Variants in TRAPPC12 observed in about 807,000 individuals in gnomAD.
TRAPPC12 encodes the protein trafficking protein particle complex subunit 12.
A neutral mutation model predicts 69.2 loss-of-function variants in TRAPPC12; 61 were observed. The ratio of observed to expected loss-of-function variants is 0.88; its 90% CI spans 0.72 to 1.09. The LOEUF (loss-of-function observed/expected upper bound fraction) is 1.09. TRAPPC12 is among the 50% of genes least tolerant of loss of function. The pLI is 0.00. For synonymous variants in TRAPPC12, 469 were observed against 438.9 expected (o/e 1.07, Z -0.86); for missense variants, 1,101 against 1,016.4 (o/e 1.08, Z -1.13).
intron 9 of TRAPPC12, among the ~76,000 whole-genome samples, chr2:3,474,047 T>C (rs1666183415): frequency 6.6e-6 from 1 of 152,154 alleles, no homozygotes; most frequent in Non-Finnish European, 1.5e-5. Context: ...AAAATGGCCA[T>C]TGCCCATCTG....
rs562679825 is a variant in TRAPPC12, at chr2:3,431,048, T to C, written c.1417+6385T>C. On this transcript the variant is annotated intron_variant, in intron 5 of 11. Transcript: ENST00000324266. ...GGGAGATGCGGTGTTGGGAAGAGAG[T>C]CTACACAGTTGCTGACTTGCAGCTC... is the stretch of plus-strand genomic sequence containing the variant. Among the ~76,000 whole-genome samples, 12 of 151,956 alleles carry C rather than the reference T, an allele frequency of 7.9e-5. No homozygotes were observed. In the South Asian group the frequency reaches 2.5e-3, roughly 32 times the overall value.
chr2:3,399,748 A>G (rs867955169), intron 2 of TRAPPC12, among the ~76,000 whole-genome samples: 1 of 151,818 alleles, frequency 6.6e-6, no homozygotes, highest in Non-Finnish European at 1.5e-5. Context: ...AAAGATAGCA[A>G]AAGATTGAAA....
At chr2:3,461,269 G>A (rs1322992351) in intron 8 of TRAPPC12, among the ~76,000 whole-genome samples, 4 of 152,294 alleles carry the variant, frequency 2.6e-5, no homozygotes, top group South Asian at 2.1e-4. Flanking sequence ...GCACTGCTCC[G>A]AGCAGGCTGG....
At chr2:3,442,392 C>A (rs1006602297) in intron 5 of TRAPPC12, among the ~76,000 whole-genome samples, 13 of 152,184 alleles carry the variant, frequency 8.5e-5, no homozygotes, top group African/African-American at 3.1e-4. Flanking sequence ...ATATAACTTA[C>A]CATGTTGGGC....
chr2:3,391,440 A>G (rs1272997396), intron 2 of TRAPPC12, among the ~76,000 whole-genome samples: 1 of 152,260 alleles, frequency 6.6e-6, no homozygotes, highest in African/African-American at 2.4e-5. Flanking sequence ...GTGACATACT[A>G]GAGAAATGAA....
chr2:3,441,463 T>A (rs1664193283), intron 5 of TRAPPC12, among the ~76,000 whole-genome samples: 1 of 152,098 alleles, frequency 6.6e-6, no homozygotes, highest in Non-Finnish European at 1.5e-5. Flanking sequence ...ACTAGTTGTT[T>A]ATGTCTTCTC....
chr2:3,424,532 T>G lies in TRAPPC12; in HGVS notation c.1286T>G (p.Phe429Cys). The G allele has an allele frequency of 6.2e-7, 1 of 1,612,832 alleles. No homozygotes were observed. The highest frequency in any genetic ancestry group is 1.1e-5 in the South Asian group (1 of 90,946). ...ATTGTATTTTGTTTTTAGCTCTGGT[T>G]TGTCAGGCTGGCACTACTAGTGAAG... ...SHTTDSLQLW[F>C]VRLALLVKLG... The change falls in exon 5 of 12, where the codon TTT becomes TGT. Residue 429 changes from phenylalanine to cysteine, a missense_variant. Physicochemically the swap from Phe to Cys is radical, Grantham distance 205. Transcript: ENST00000324266.
At chr2:3,425,788 G>C (rs1663069096) in intron 5 of TRAPPC12, among the ~76,000 whole-genome samples, 1 of 152,240 alleles carries the variant, frequency 6.6e-6, no homozygotes, top group South Asian at 2.1e-4. Flanking sequence ...AGATGCAAAG[G>C]CCTGATTAAT....
At chr2:3,398,823 C>G (rs931018605) in intron 2 of TRAPPC12, among the ~76,000 whole-genome samples, 6 of 152,230 alleles carry the variant, frequency 3.9e-5, no homozygotes, top group African/African-American at 7.2e-5. Flanking sequence ...CATGTGTTTC[C>G]TTCGTGTTCC....
At chr2:3,461,349 G>A (rs751643175) in intron 8 of TRAPPC12, among the ~76,000 whole-genome samples, 2 of 152,052 alleles carry the variant, frequency 1.3e-5, no homozygotes, top group Non-Finnish European at 2.9e-5. Flanking sequence ...CCCGCACCCC[G>A]GCTTTAGCGC....
Position 3,412,252 on chromosome 2 carries a change from G to A in TRAPPC12, c.1165-9629G>A, listed in dbSNP as rs542015030. ...AATAGGAAGGTTTCACCATGAGCAG[G>A]AAAGGCACCATTAAGATCAGGTTTG... On this transcript the variant is annotated intron_variant, in intron 3 of 11. Transcript: ENST00000324266. Among the ~76,000 whole-genome samples, 49 of 152,214 alleles carry A rather than the reference G, an allele frequency of 3.2e-4. 1 individual carries two copies. The highest frequency in any genetic ancestry group is 1.6e-3 in the Admixed American group (25 of 15,290).
intron 1 of TRAPPC12, among the ~76,000 whole-genome samples, chr2:3,385,938 T>G (rs1194398645): frequency 6.6e-6 from 1 of 152,220 alleles, no homozygotes; most frequent in East Asian, 1.9e-4. Context: ...CTAGGGCAAT[T>G]TGTTCTTCGG....
chr2:3,477,645 G>C, intron 9 of TRAPPC12, 50 bp from the exon 10 acceptor site: 4 of 1,146,888 alleles, frequency 3.5e-6, no homozygotes, highest in Non-Finnish European at 5.1e-6. Flanking sequence ...TATGAGTATA[G>C]ACTTAATATT....
intron 2 of TRAPPC12, among the ~76,000 whole-genome samples, chr2:3,392,555 G>A (rs1007808607): frequency 6.6e-5 from 10 of 152,178 alleles, no homozygotes; most frequent in Admixed American, 2.0e-4. Context: ...CATAGAAAAT[G>A]ACTAATTGTA....
intron 5 of TRAPPC12, among the ~76,000 whole-genome samples, chr2:3,436,163 A>C (rs1292013487): frequency 2.0e-5 from 3 of 152,200 alleles, no homozygotes; most frequent in African/African-American, 7.2e-5. Context: ...GTCAGAATGT[A>C]CCTTTAATCA....
intron 2 of TRAPPC12, among the ~76,000 whole-genome samples, chr2:3,396,747 C>T: frequency 6.6e-6 from 1 of 152,080 alleles, no homozygotes; most frequent in South Asian, 2.1e-4. Flanking sequence ...AGTGACTTTT[C>T]CATGTTTTTT....
At chr2:3,466,599 T>C (rs1445265175) in intron 9 of TRAPPC12, among the ~76,000 whole-genome samples, 1 of 152,170 alleles carries the variant, frequency 6.6e-6, no homozygotes, top group Non-Finnish European at 1.5e-5. Flanking sequence ...TCCACACAGT[T>C]GCTCACACAT....
chr2:3,446,904 A>T (rs1303763054), intron 6 of TRAPPC12, among the ~76,000 whole-genome samples: 2 of 152,262 alleles, frequency 1.3e-5, no homozygotes, highest in African/African-American at 4.8e-5. Flanking sequence ...ATGATCCTCC[A>T]GAATTTAAAA....
At chr2:3,387,239 C>T (rs1355556808) in intron 1 of TRAPPC12, among the ~76,000 whole-genome samples, 1 of 152,146 alleles carries the variant, frequency 6.6e-6, no homozygotes, top group Admixed American at 6.5e-5. Context: ...GCATAAATAG[C>T]CCTTGAGGAC....
Sources: gnomAD v4.1 joint callset for allele counts (sites outside exome capture counted in the v4.1 genomes callset) on GRCh38, gnomAD v4.1.1 for gene constraint, MANE v1.5 for transcripts, NCBI Gene and HGNC (gene_info 2026-07-23, HGNC 2026-07-21) for gene names.